C4orf17: variants seen among roughly 807,000 people sequenced by gnomAD.
The protein encoded by C4orf17 is uncharacterized protein C4orf17.
Under a neutral mutation model 32.0 loss-of-function variants are expected in C4orf17, and 25 were observed. The observed-to-expected ratio is 0.78, with a 90% CI of 0.57 to 1.09. The LOEUF is 1.09. C4orf17 is among the 50% of genes least tolerant of loss of function. The pLI, the probability that C4orf17 is intolerant of heterozygous loss-of-function variation, is 0.00. For synonymous variants in C4orf17, 149 were observed against 145.8 expected, an observed-to-expected ratio of 1.02 and a Z score of -0.16; for missense variants, 420 against 420.0, an observed-to-expected ratio of 1.00 and a Z score of 0.00.
intron 5 of C4orf17, among the ~76,000 whole-genome samples, chr4:99,536,990 T>C (rs1163920049): frequency 1.3e-5 from 2 of 152,060 alleles, no homozygotes; most frequent in Non-Finnish European, 2.9e-5. Flanking sequence ...CATCAGGTCA[T>C]AGGGTAAATA....
chr4:99,525,375 A>G (rs1412497731), intron 4 of C4orf17, among the ~76,000 whole-genome samples: 3 of 152,158 alleles, frequency 2.0e-5, no homozygotes, highest in African/African-American at 7.2e-5. Flanking sequence ...CTGGGTATGT[A>G]GTAGTATCTT....
intron 3 of C4orf17, among the ~76,000 whole-genome samples, chr4:99,523,438 T>C (rs1322528910): frequency 6.6e-6 from 1 of 152,190 alleles, no homozygotes; most frequent in Non-Finnish European, 1.5e-5. Context: ...TGGTCAATTA[T>C]AGAGTACTCA....
At chr4:99,518,497 AAAAAAAAAAAAAAAAAAAAAAAT>A (rs1171595995) in intron 2 of C4orf17, among the ~76,000 whole-genome samples, 6 of 44,232 alleles carry the variant, frequency 1.4e-4, no homozygotes, top group African/African-American at 1.2e-3. Flanking sequence ...AAAAAAAAAA[AAAAAAAAAAAAAAAAAAAAAAAT>A]ATATATATAT....
At chr4:99,514,418 A>G (rs1426745029) in intron 2 of C4orf17, among the ~76,000 whole-genome samples, 1 of 152,196 alleles carries the variant, frequency 6.6e-6, no homozygotes, top group Non-Finnish European at 1.5e-5. Flanking sequence ...GAAAAAAACA[A>G]ATAATCCCAT....
chr4:99,536,268 TG>T, intron 5 of C4orf17: 1 of 178,842 alleles, frequency 5.6e-6, no homozygotes, highest in Non-Finnish European at 1.2e-5. Flanking sequence ...TGCTGCATTG[TG>T]GGGAACTCTT....
At chr4:99,536,770 T>G (rs1444011668) in intron 5 of C4orf17, among the ~76,000 whole-genome samples, 2 of 152,088 alleles carry the variant, frequency 1.3e-5, no homozygotes, top group African/African-American at 4.8e-5. Flanking sequence ...AAGGATAAAT[T>G]CACCAAAAGT....
chr4:99,521,684 T>C (rs1723289108), intron 2 of C4orf17, among the ~76,000 whole-genome samples: 1 of 152,178 alleles, frequency 6.6e-6, no homozygotes, highest in Non-Finnish European at 1.5e-5. Context: ...TAGAAAACAC[T>C]ATCCAGAAGC....
At chr4:99,519,002 A>G (rs1723242711) in intron 2 of C4orf17, among the ~76,000 whole-genome samples, 1 of 151,670 alleles carries the variant, frequency 6.6e-6, no homozygotes, top group Admixed American at 6.6e-5. Flanking sequence ...TGAGGTGGAG[A>G]TTTGTGTGAA....
intron 5 of C4orf17, among the ~76,000 whole-genome samples, chr4:99,530,421 G>C (rs1723459717): frequency 6.6e-6 from 1 of 151,992 alleles, no homozygotes; most frequent in Admixed American, 6.6e-5. Flanking sequence ...TATATTAATA[G>C]TAATATGTCA....
chr4:99,512,196 G>A (rs550447982), intron 1 of C4orf17, among the ~76,000 whole-genome samples: 15 of 152,234 alleles, frequency 9.9e-5, no homozygotes, highest in African/African-American at 3.4e-4. Flanking sequence ...ATTCTGCTAC[G>A]ATGAATAAGA....
intron 5 of C4orf17, 81 bp downstream of exon 5, chr4:99,530,039 A>G (rs752982318): frequency 8.8e-7 from 1 of 1,131,148 alleles, no homozygotes; most frequent in Non-Finnish European, 1.2e-6. Flanking sequence ...CATCCTTAAA[A>G]CTCTTAAATG....
intron 4 of C4orf17, among the ~76,000 whole-genome samples, chr4:99,527,372 T>C (rs1723406873): frequency 6.6e-6 from 1 of 152,242 alleles, no homozygotes; most frequent in South Asian, 2.1e-4. Flanking sequence ...TTCACTCTGC[T>C]GTTGTTTGGT....
chr4:99,522,778 A>G lies in C4orf17; in HGVS notation c.337+69A>G, dbSNP rs138422011. On this transcript the variant is annotated intron_variant, in intron 3 of 8. Transcript: ENST00000326581. Reference sequence around the variant, plus strand: ...GCAAACAAGGCTGTGGGGAGTCTATATGATGCTAAAATAGCTGCAGTGGTT... The same window carrying G: ...GCAAACAAGGCTGTGGGGAGTCTATGTGATGCTAAAATAGCTGCAGTGGTT... The G allele has an allele frequency of 2.5e-4, 299 of 1,219,114 alleles. No homozygotes were observed. The African/African-American group carries it at 3.9e-3, about 16-fold the overall frequency. The allele number at this position is 1,219,114 out of a possible 1,614,324, so 75.5% of individuals were successfully genotyped here. A position where few individuals can be genotyped will look rare whatever the true frequency, so the allele number is the denominator to read the frequency against.
chr4:99,541,511 T>C, intron 8 of C4orf17: 1 of 168,822 alleles, frequency 5.9e-6, no homozygotes, highest in South Asian at 1.6e-4. Flanking sequence ...TCTCCTTACA[T>C]CCCTATTCCT....
chr4:99,533,677 A>G (rs1723512862), intron 5 of C4orf17, among the ~76,000 whole-genome samples: 1 of 152,198 alleles, frequency 6.6e-6, no homozygotes, highest in Non-Finnish European at 1.5e-5. Flanking sequence ...GTTCAGTCCA[A>G]TATGAAGCCT....
chr4:99,523,903 C>A (rs898247446), intron 3 of C4orf17, among the ~76,000 whole-genome samples: 2 of 150,880 alleles, frequency 1.3e-5, no homozygotes, highest in Non-Finnish European at 2.9e-5. Flanking sequence ...CAAAAAAATT[C>A]TCTTTAATTA....
At chr4:99,518,544 T>TATATAGAG (rs1393245676) in intron 2 of C4orf17, among the ~76,000 whole-genome samples, 14 of 36,822 alleles carry the variant, frequency 3.8e-4, no homozygotes, top group Non-Finnish European at 4.5e-4. Flanking sequence ...TATATATATA[T>TATATAGAG]AGAGAGAGAG....
chr4:99,530,896 C>G (rs1723467523), intron 5 of C4orf17, among the ~76,000 whole-genome samples: 1 of 152,088 alleles, frequency 6.6e-6, no homozygotes, highest in Non-Finnish European at 1.5e-5. Context: ...TATACAGAGT[C>G]TTCAGAACCA....
chr4:99,520,327 C>G (rs1490223986), intron 2 of C4orf17, among the ~76,000 whole-genome samples: 1 of 152,106 alleles, frequency 6.6e-6, no homozygotes, highest in Non-Finnish European at 1.5e-5. Context: ...GATCTCCTGA[C>G]CTCGTGATCC....
Sources: gnomAD v4.1 joint callset for allele counts (sites outside exome capture counted in the v4.1 genomes callset) on GRCh38, gnomAD v4.1.1 for gene constraint, MANE v1.5 for transcripts, NCBI Gene and HGNC (gene_info 2026-07-23, HGNC 2026-07-21) for gene names.